PSMD11: variants seen among roughly 807,000 people sequenced by gnomAD.
PSMD11 encodes the protein 26S proteasome non-ATPase regulatory subunit 11.
A neutral mutation model predicts 62.3 loss-of-function variants in PSMD11; 5 were observed. The observed-to-expected ratio is 0.08, with a 90% CI of 0.04 to 0.17. The LOEUF (loss-of-function observed/expected upper bound fraction) is 0.17, where lower values mean the gene tolerates loss of function less well. Ranked by LOEUF, PSMD11 falls within the 10% of genes least tolerant of loss-of-function variation. The pLI, the probability that PSMD11 is intolerant of heterozygous loss-of-function variation, is 1.00. For missense variants in PSMD11, 310 were observed against 512.9 expected (o/e 0.60, Z 3.82); for synonymous variants, 191 against 191.8 (o/e 1.00, Z 0.03).
At chr17:32,474,960 A>C in intron 8 of PSMD11, 136 bp downstream of exon 8, 1 of 811,820 alleles carries the variant, frequency 1.2e-6, no homozygotes, top group Non-Finnish European at 2.0e-6. Context: ...TCCTTCCCTT[A>C]AGCCCATTCA....
Position 32,464,042 on chromosome 17 carries a change from A to G in PSMD11, c.319-7A>G. 6.2e-7 allele frequency: 1 copy of G among 1,613,554 alleles called. No individual in the cohort carries two copies. The highest frequency in any genetic ancestry group is 8.5e-7 in the Non-Finnish European group (1 of 1,179,490). On this transcript the variant is annotated splice_region_variant and splice_polypyrimidine_tract_variant and intron_variant, in intron 3 of 13. Coordinates refer to ENST00000261712, the MANE Select transcript of PSMD11 (RefSeq NM_002815.4). ...AATGTTGCATGTACTGTCTCTCCTT[A>G]TTGCAGGTCGAGCTGTGTTTAGAGT...
intron 1 of PSMD11, 42 bp downstream of exon 1, chr17:32,444,656 C>T (rs1357591492): frequency 2.5e-6 from 4 of 1,607,656 alleles, no homozygotes; most frequent in Non-Finnish European, 3.4e-6. Flanking sequence ...GCCGGCCCAG[C>T]TCGGCTTATG....
intron 1 of PSMD11, 162 bp downstream of exon 1, chr17:32,444,776 C>T (rs1907275443): frequency 6.6e-6 from 5 of 762,066 alleles, no homozygotes; most frequent in African/African-American, 3.7e-5. Flanking sequence ...TCCCCAGAGC[C>T]TCCCAGGTCT....
chr17:32,474,476 G>A (rs1471404215), intron 7 of PSMD11, among the ~76,000 whole-genome samples: 2 of 152,308 alleles, frequency 1.3e-5, no homozygotes, highest in East Asian at 3.9e-4. Flanking sequence ...GTTACACTGG[G>A]ATTTGACTTA....
At chr17:32,459,111 A>ATACACATATAT (rs1555616110) in intron 3 of PSMD11, among the ~76,000 whole-genome samples, 1 of 43,766 alleles carries the variant, frequency 2.3e-5, no homozygotes, top group African/African-American at 6.5e-5. Context: ...AAAAAAAAAA[A>ATACACATATAT]ATACATATAT....
intron 9 of PSMD11, 72 bp from the exon 10 acceptor site, chr17:32,479,175 ACTAT>A: frequency 1.3e-6 from 2 of 1,553,846 alleles, no homozygotes; most frequent in Non-Finnish European, 1.7e-6. Context: ...GGGCCAGCAG[ACTAT>A]CTAGGAAGCA....
At chr17:32,479,481 G>A in intron 10 of PSMD11, 105 bp downstream of exon 10, 5 of 1,456,000 alleles carry the variant, frequency 3.4e-6, no homozygotes, top group Non-Finnish European at 3.7e-6. Flanking sequence ...GGTGTGCCTG[G>A]TGGGCAAGAG....
chr17:32,473,772 G>A (rs1567857912), intron 6 of PSMD11, 29 bp from the exon 7 acceptor site: 2 of 1,610,030 alleles, frequency 1.2e-6, no homozygotes, highest in Middle Eastern at 1.7e-4. Flanking sequence ...TATTTTATAT[G>A]TTCTTATTCC....
At position 32,447,714 on chromosome 17, in the gene PSMD11, A is replaced by G. The variant is rs192131021; in HGVS notation, c.193+668A>G. On this transcript the variant is annotated intron_variant, in intron 2 of 13. Transcript: ENST00000261712. The stretch of plus-strand genomic sequence containing the variant: ...AAGTCTGTTTAAACTTAAATGGGTG[A>G]TTTTTGTCAAGTTTAAAGTGAATTT... 1.6e-3 allele frequency among the ~76,000 whole-genome samples: 248 copies of G among 152,270 alleles called. 1 individual carries two copies. The highest frequency in any genetic ancestry group is 2.7e-3 in the Non-Finnish European group (184 of 68,020).
At chr17:32,446,767 C>G (rs1420878120) in intron 1 of PSMD11, among the ~76,000 whole-genome samples, 178 bp from the exon 2 acceptor site, 2 of 145,714 alleles carry the variant, frequency 1.4e-5, no homozygotes, top group East Asian at 4.0e-4. Flanking sequence ...GGAGCATATT[C>G]TACGTATATA....
chr17:32,456,984 C>T (rs117946974), intron 3 of PSMD11, among the ~76,000 whole-genome samples: 2,860 of 152,222 alleles, frequency 0.019, 28 homozygotes, highest in Middle Eastern at 0.031. Flanking sequence ...ATTTAATGAT[C>T]ATTTCTCCTG....
chr17:32,474,498 C>T (rs4132611), intron 7 of PSMD11, among the ~76,000 whole-genome samples: 1 of 152,142 alleles, frequency 6.6e-6, no homozygotes, highest in Non-Finnish European at 1.5e-5. Context: ...ACTTATAGTT[C>T]TGCTTGTTGT....
rs1481138320 is a variant in PSMD11, at chr17:32,481,953, C to CATT, written c.*1202_*1203insTTA. On this transcript the variant is annotated 3_prime_UTR_variant, in exon 14 of 14. Transcript: ENST00000261712. ...TATGCTTTGTTTTCTGACACGATTA[C>CATT]ACAGCGAGGCTTTAATGCCATTTGG... 6.6e-6 allele frequency: 1 copy of CATT among 152,146 alleles called. No homozygotes were observed. The highest frequency in any genetic ancestry group is 1.5e-5 in the Non-Finnish European group (1 of 68,028). The allele number at this position is 152,146 out of a possible 1,614,324, so 9.4% of individuals were successfully genotyped here. A position where few individuals can be genotyped will look rare whatever the true frequency, so the allele number is the denominator to read the frequency against.
chr17:32,448,968 A>G (rs896969148), intron 2 of PSMD11, among the ~76,000 whole-genome samples: 13 of 152,178 alleles, frequency 8.5e-5, no homozygotes, highest in African/African-American at 2.9e-4. Context: ...CTTCCTTCCT[A>G]TTTAACATAC....
chr17:32,466,327 C>T lies in PSMD11; in HGVS notation c.448+1749C>T, dbSNP rs139029411. Among the ~76,000 whole-genome samples, 259 of 152,276 alleles carry T rather than the reference C, an allele frequency of 1.7e-3. 1 individual carries two copies. The highest frequency in any genetic ancestry group is 6.1e-3 in the African/African-American group (253 of 41,562). On this transcript the variant is annotated intron_variant, in intron 5 of 13. Coordinates refer to ENST00000261712, the MANE Select transcript of PSMD11 (RefSeq NM_002815.4). ...ACATTTTTATCACCCCAGAAAGAAA[C>T]TTCCTATTCATTAGCAGCCCTGGGC...
At position 32,446,632 on chromosome 17, in the gene PSMD11, A is replaced by C. The variant is rs75506056; in HGVS notation, c.92-313A>C. ...AAGTATGAAGGATTTGTTTTGTTTTAATTTCACTTTAACCAAGTGACCACA... is the reference window on the plus strand; with the variant it reads ...AAGTATGAAGGATTTGTTTTGTTTTCATTTCACTTTAACCAAGTGACCACA... On this transcript the variant is annotated intron_variant, in intron 1 of 13. Coordinates refer to ENST00000261712, the MANE Select transcript of PSMD11 (RefSeq NM_002815.4). Among the ~76,000 whole-genome samples the C allele has an allele frequency of 8.1e-3, 1,237 of 152,330 alleles. 53 individuals carry two copies. Among genetic ancestry groups the C allele is most frequent in the Admixed American group, 0.071 (1,085 of 15,296 alleles).
chr17:32,460,982 T>C (rs1907819864), intron 3 of PSMD11, among the ~76,000 whole-genome samples: 1 of 152,118 alleles, frequency 6.6e-6, no homozygotes, highest in Non-Finnish European at 1.5e-5. Flanking sequence ...AACCAGACTC[T>C]TGCCAAATAG....
chr17:32,474,886 A>G (rs1293662618), intron 8 of PSMD11, 62 bp downstream of exon 8: 4 of 1,433,134 alleles, frequency 2.8e-6, no homozygotes, highest in South Asian at 2.3e-5. Flanking sequence ...CAGAGTCACA[A>G]CGTTTGATGA....
In PSMD11 at chr17:32,479,832, T is replaced by G; in HGVS notation, c.1039-19T>G. On this transcript the variant is annotated intron_variant, in intron 10 of 13. Transcript: ENST00000261712. ...AAGTAAAACTTTCAGTGTTGGTGTC[T>G]CTCTGCCTTTCCTTTTAGATTGAAC... 6.2e-7 allele frequency: 1 copy of G among 1,612,630 alleles called. No homozygotes were observed. Among genetic ancestry groups the G allele is most frequent in the Non-Finnish European group, 8.5e-7 (1 of 1,178,632 alleles).
Sources: allele counts gnomAD v4.1 joint callset (sites outside exome capture counted in the v4.1 genomes callset), GRCh38; gene constraint gnomAD v4.1.1; transcripts MANE v1.5; gene names NCBI Gene and HGNC (gene_info 2026-07-23, HGNC 2026-07-21).